IQCJ: variants seen among roughly 807,000 people sequenced by gnomAD.
IQCJ encodes the protein IQ motif containing J, also known as IQ domain-containing protein J.
A neutral mutation model predicts 11.0 loss-of-function variants in IQCJ; 9 were observed. The observed-to-expected ratio is 0.82, with a 90% confidence interval of 0.49 to 1.43. The LOEUF (loss-of-function observed/expected upper bound fraction) is 1.43, where lower values mean the gene tolerates loss of function less well. Ranked by LOEUF, IQCJ falls within the 40% of genes most tolerant of loss-of-function variation. IQCJ has a pLI of 0.00. For synonymous variants in IQCJ, 55 were observed against 51.3 expected (o/e 1.07, Z -0.31); for missense variants, 146 against 133.2 (o/e 1.10, Z -0.47).
At chr3:159,122,869 AT>A (rs1719458504) in intron 1 of IQCJ, among the ~76,000 whole-genome samples, 1 of 152,222 alleles carries the variant, frequency 6.6e-6, no homozygotes, top group South Asian at 2.1e-4. Context: ...ATCTTTCTGC[AT>A]TTTAACTAGA....
intron 1 of IQCJ, among the ~76,000 whole-genome samples, chr3:159,150,583 A>AACACACAC (rs373030886): frequency 0.042 from 6,095 of 146,090 alleles, 303 homozygotes; most frequent in African/African-American, 0.12. Context: ...CATTGTCCCC[A>AACACACAC]ACACACACAC....
Position 159,158,407 on chromosome 3 carries a change from T to G in IQCJ, c.10-87436T>G, listed in dbSNP as rs143382332. Among the ~76,000 whole-genome samples the G allele has an allele frequency of 4.9e-3, 744 of 152,294 alleles. 5 individuals carry two copies. Among genetic ancestry groups the G allele is most frequent in the African/African-American group, 0.017 (701 of 41,564 alleles). On this transcript the variant is annotated intron_variant, in intron 1 of 3. Coordinates refer to ENST00000397832, the MANE Select transcript of IQCJ (RefSeq NM_001042706.3). ...TACTCAGAAGTTTTGTGAGTTCAGG[T>G]GGTGAAGCTTCTTAGTGGTGTCATT...
At chr3:159,182,792 C>T (rs1459682142) in intron 1 of IQCJ, among the ~76,000 whole-genome samples, 1 of 147,994 alleles carries the variant, frequency 6.8e-6, no homozygotes, top group African/African-American at 2.5e-5. Flanking sequence ...TTTTTTTTCA[C>T]AATGCTTTTC....
At chr3:159,206,786 T>C (rs891669848) in intron 1 of IQCJ, among the ~76,000 whole-genome samples, 5 of 152,212 alleles carry the variant, frequency 3.3e-5, no homozygotes, top group African/African-American at 7.2e-5. Flanking sequence ...CAGCTTCTGT[T>C]GCTAGCAACC....
intron 1 of IQCJ, among the ~76,000 whole-genome samples, chr3:159,182,996 T>G (rs559063183): frequency 5.3e-5 from 8 of 152,210 alleles, no homozygotes; most frequent in African/African-American, 1.9e-4. Context: ...CCCTTAGTAG[T>G]AGCAATGGAG....
chr3:159,086,072 C>G (rs1305087792), intron 1 of IQCJ, among the ~76,000 whole-genome samples: 2 of 152,152 alleles, frequency 1.3e-5, no homozygotes, highest in East Asian at 3.8e-4. Flanking sequence ...AGCCTTTAAT[C>G]CATCTTGAAT....
chr3:159,143,970 C>G (rs1720774358), intron 1 of IQCJ, among the ~76,000 whole-genome samples: 1 of 152,168 alleles, frequency 6.6e-6, no homozygotes, highest in Non-Finnish European at 1.5e-5. Flanking sequence ...AATGTTGTAT[C>G]TTCACATGGT....
At chr3:159,109,673 G>A (rs1718502271) in intron 1 of IQCJ, among the ~76,000 whole-genome samples, 1 of 152,080 alleles carries the variant, frequency 6.6e-6, no homozygotes, top group Non-Finnish European at 1.5e-5. Flanking sequence ...GTGGGTGTGT[G>A]TGTGTGTGTC....
intron 1 of IQCJ, among the ~76,000 whole-genome samples, chr3:159,161,468 C>A (rs569977090): frequency 6.6e-6 from 1 of 152,198 alleles, no homozygotes; most frequent in Non-Finnish European, 1.5e-5. Flanking sequence ...AATTTTCTCC[C>A]AATTTGTAGG....
chr3:159,241,286 G>A (rs1309447518), intron 1 of IQCJ, among the ~76,000 whole-genome samples: 1 of 152,058 alleles, frequency 6.6e-6, no homozygotes, highest in Non-Finnish European at 1.5e-5. Flanking sequence ...GTGGGTGCCT[G>A]TAATCCCAGC....
intron 1 of IQCJ, among the ~76,000 whole-genome samples, chr3:159,184,346 C>A (rs937243600): frequency 1.3e-5 from 2 of 152,148 alleles, no homozygotes; most frequent in Non-Finnish European, 2.9e-5. Context: ...TTAAATGTCA[C>A]CTCCTCAGAA....
intron 1 of IQCJ, among the ~76,000 whole-genome samples, chr3:159,200,629 T>C (rs1330083646): frequency 6.6e-6 from 1 of 152,104 alleles, no homozygotes; most frequent in East Asian, 1.9e-4. Context: ...AGTAATCTGA[T>C]TGTTTGGTCC....
intron 1 of IQCJ, among the ~76,000 whole-genome samples, chr3:159,214,912 AC>A (rs991859299): frequency 1.3e-5 from 2 of 152,084 alleles, no homozygotes; most frequent in African/African-American, 4.8e-5. Context: ...GCATATTGTT[AC>A]CCCCTTTCAG....
intron 1 of IQCJ, among the ~76,000 whole-genome samples, chr3:159,201,627 CT>C (rs71144478): frequency 1.9e-3 from 133 of 70,292 alleles, no homozygotes; most frequent in African/African-American, 4.7e-3. Flanking sequence ...GATAATGATT[CT>C]TTTTTTTTTT....
intron 1 of IQCJ, among the ~76,000 whole-genome samples, chr3:159,234,408 A>G (rs757193390): frequency 7.9e-5 from 12 of 152,232 alleles, no homozygotes; most frequent in Non-Finnish European, 1.8e-4. Context: ...TTCAGAAGGT[A>G]TAAGAGAAGC....
intron 1 of IQCJ, among the ~76,000 whole-genome samples, chr3:159,090,131 T>A (rs1717139845): frequency 6.6e-6 from 1 of 151,784 alleles, no homozygotes; most frequent in East Asian, 1.9e-4. Context: ...TTAGTTTTCC[T>A]TCTAACAGAC....
At chr3:159,235,852 A>G (rs1178367295) in intron 1 of IQCJ, among the ~76,000 whole-genome samples, 7 of 152,180 alleles carry the variant, frequency 4.6e-5, no homozygotes, top group East Asian at 3.8e-4. Flanking sequence ...ACAATTTTCA[A>G]TTTTCATAGG....
rs551464987 is a variant in IQCJ, at chr3:159,220,324, A to T, written c.10-25519A>T. On this transcript the variant is annotated intron_variant, in intron 1 of 3. Transcript: ENST00000397832. ...ACTGTATTTGGAGATAGAGCCTTTAAATAGGTAATTAAGTTTAAATGAGGT... is the reference window on the plus strand; with the variant it reads ...ACTGTATTTGGAGATAGAGCCTTTATATAGGTAATTAAGTTTAAATGAGGT... Among the ~76,000 whole-genome samples the T allele has an allele frequency of 2.0e-5, 3 of 152,228 alleles. No individual in the cohort carries two copies. The South Asian group carries it at 6.2e-4, about 32-fold the overall frequency.
chr3:159,070,709 G>T (rs79757937), intron 1 of IQCJ, among the ~76,000 whole-genome samples: 1 of 152,026 alleles, frequency 6.6e-6, no homozygotes, highest in Non-Finnish European at 1.5e-5. Flanking sequence ...CACAAAGTAG[G>T]TTTTCTTTGA....
Sources: gnomAD v4.1 joint callset for allele counts (sites outside exome capture counted in the v4.1 genomes callset) on GRCh38, gnomAD v4.1.1 for gene constraint, MANE v1.5 for transcripts, NCBI Gene and HGNC (gene_info 2026-07-23, HGNC 2026-07-21) for gene names.